The following SGCD variants were observed in gnomAD, a reference collection of about 807,000 sequenced individuals.
SGCD encodes sarcoglycan delta.
SGCD carries 18 observed loss-of-function variants against 36.6 expected under a neutral mutation model. That is an observed-to-expected ratio of 0.49 (90% CI 0.34 to 0.73). The LOEUF (loss-of-function observed/expected upper bound fraction) is 0.73, where lower values mean the gene tolerates loss of function less well. Among genes scored for constraint, SGCD ranks in the 30% least tolerant of loss-of-function variants. The probability of loss-of-function intolerance (pLI) is 0.01; values close to 1 mark genes in which losing one functional copy is unlikely to be tolerated. For missense variants in SGCD, 387 were observed against 346.7 expected (o/e 1.12, Z -0.92); for synonymous variants, 133 against 130.6 (o/e 1.02, Z -0.12).
chr5:156,292,069 G>A (rs1286245806), intron 3 of SGCD, among the ~76,000 whole-genome samples: 1 of 152,024 alleles, frequency 6.6e-6, no homozygotes, highest in Admixed American at 6.6e-5. Flanking sequence ...TTTAGATGCT[G>A]TGTATAAGTG....
chr5:156,174,419 A>C (rs1763416660), intron 3 of SGCD, among the ~76,000 whole-genome samples: 1 of 152,126 alleles, frequency 6.6e-6, no homozygotes, highest in Admixed American at 6.6e-5. Context: ...AGCATGGTGA[A>C]CTGTGGGGAA....
chr5:155,891,128 C>T (rs145165030), intron 1 of SGCD, among the ~76,000 whole-genome samples: 241 of 152,254 alleles, frequency 1.6e-3, no homozygotes, highest in Non-Finnish European at 2.5e-3. Context: ...GATGAATGAG[C>T]AAAAGTCTTC....
At chr5:156,351,743 G>T (rs1411175820) in intron 3 of SGCD, among the ~76,000 whole-genome samples, 1 of 151,874 alleles carries the variant, frequency 6.6e-6, no homozygotes, top group Non-Finnish European at 1.5e-5. Context: ...CCACTATTTG[G>T]ATACCAATTT....
At chr5:156,035,256 C>A (rs79331593) in intron 1 of SGCD, among the ~76,000 whole-genome samples, 1 of 152,272 alleles carries the variant, frequency 6.6e-6, no homozygotes, top group East Asian at 1.9e-4. Flanking sequence ...ACTCGTGCAA[C>A]TTTAACCTGC....
intron 3 of SGCD, among the ~76,000 whole-genome samples, chr5:156,215,975 A>G (rs1581173358): frequency 6.6e-6 from 1 of 152,228 alleles, no homozygotes; most frequent in Non-Finnish European, 1.5e-5. Flanking sequence ...AACATGGTAT[A>G]TATACATAAT....
At chr5:156,234,187 G>A (rs879585430) in intron 3 of SGCD, among the ~76,000 whole-genome samples, 4 of 152,118 alleles carry the variant, frequency 2.6e-5, no homozygotes, top group Non-Finnish European at 5.9e-5. Flanking sequence ...CTTCTTTGGT[G>A]AGATGTTTAT....
chr5:156,279,785 T>C (rs1343616735), intron 3 of SGCD, among the ~76,000 whole-genome samples: 1 of 152,002 alleles, frequency 6.6e-6, no homozygotes, highest in African/African-American at 2.4e-5. Context: ...TCTACATGAC[T>C]CCCCTACACA....
rs1180601139 is a variant in SGCD at position 156,027,680 on chromosome 5, G to A, written c.-281-90198G>A. Reference sequence around the variant, plus strand: ...AAAAAAAGAATGAATGATCTAATGAGGGCTAAGACAGATGTTACATTATTT... The same window carrying A: ...AAAAAAAGAATGAATGATCTAATGAAGGCTAAGACAGATGTTACATTATTT... On this transcript the variant is annotated intron_variant, in intron 1 of 9. Transcript: ENST00000517913. Among the ~76,000 whole-genome samples the A allele has an allele frequency of 2.6e-5, 4 of 152,060 alleles. No individual in the cohort carries two copies. The East Asian group carries it at 7.7e-4, about 29-fold the overall frequency.
chr5:156,545,858 T>C (rs751627793), intron 4 of SGCD, among the ~76,000 whole-genome samples: 29 of 152,148 alleles, frequency 1.9e-4, no homozygotes, highest in Non-Finnish European at 3.1e-4. Context: ...CAAAGAATGT[T>C]GAGGACACAA....
At chr5:156,328,680 C>A (rs959332560) in intron 1 of SGCD, among the ~76,000 whole-genome samples, 1 of 151,932 alleles carries the variant, frequency 6.6e-6, no homozygotes, top group Admixed American at 6.6e-5. Flanking sequence ...GGAGGAGGGA[C>A]CTGGGACAGG....
intron 3 of SGCD, among the ~76,000 whole-genome samples, chr5:156,167,688 C>A (rs1763247160): frequency 6.6e-6 from 1 of 152,106 alleles, no homozygotes; most frequent in Non-Finnish European, 1.5e-5. Flanking sequence ...ACGCCTGCTC[C>A]CTCTTTGCCT....
chr5:156,322,652 T>C (rs967679782), upstream of SGCD, among the ~76,000 whole-genome samples: 1 of 152,174 alleles, frequency 6.6e-6, no homozygotes, highest in African/African-American at 2.4e-5. Flanking sequence ...GATAACTGCA[T>C]GAACACAGGC....
chr5:156,539,192 G>A (rs972300796), intron 4 of SGCD, among the ~76,000 whole-genome samples: 4 of 151,952 alleles, frequency 2.6e-5, no homozygotes, highest in Non-Finnish European at 5.9e-5. Context: ...GCACACTTGG[G>A]TCTCCCTCTT....
chr5:155,874,074 C>T (rs1289079610), intron 1 of SGCD, among the ~76,000 whole-genome samples: 1 of 152,054 alleles, frequency 6.6e-6, no homozygotes, highest in East Asian at 1.9e-4. Flanking sequence ...ATTTTTATGA[C>T]CATACATGTT....
At position 156,766,369 on chromosome 5, in the gene SGCD, G is replaced by C. The variant is rs1757587890; in HGVS notation, c.*6979G>C. 6.6e-6 allele frequency: 1 copy of C among 151,762 alleles called. No homozygotes were observed. Among genetic ancestry groups the C allele is most frequent in the African/African-American group, 2.4e-5 (1 of 41,252 alleles). 9.4% of individuals were successfully genotyped at this position (151,762 alleles called of 1,614,324 possible). ...ATTAGGCATACAATGTCAGAGCTGA[G>C]CTGACCACTCTGGTCCTGTAATGTC... is the stretch of plus-strand genomic sequence containing the variant. On this transcript the variant is annotated 3_prime_UTR_variant, in exon 9 of 9. Transcript: ENST00000337851.
chr5:156,393,618 T>C (rs1269586410), intron 3 of SGCD: 2 of 414,288 alleles, frequency 4.8e-6, no homozygotes, highest in African/African-American at 2.0e-5. Flanking sequence ...TGTTAATAGG[T>C]TGAAATTGGC....
the SGCD span, among the ~76,000 whole-genome samples, chr5:155,773,589 G>T: frequency 6.6e-6 from 1 of 152,142 alleles, no homozygotes; most frequent in African/African-American, 2.4e-5. Flanking sequence ...GCCCAGGAGA[G>T]ACTACCAGGT....
the SGCD span, among the ~76,000 whole-genome samples, chr5:155,768,027 A>T: frequency 4.6e-5 from 7 of 152,100 alleles, no homozygotes; most frequent in African/African-American, 1.7e-4. Flanking sequence ...AAGAACATGG[A>T]CCCCTGTACT....
intron 3 of SGCD, among the ~76,000 whole-genome samples, chr5:156,494,957 C>T (rs1756117737): frequency 6.6e-6 from 1 of 152,118 alleles, no homozygotes; most frequent in Non-Finnish European, 1.5e-5. Context: ...CTCTCTCTTC[C>T]TACTCTGCCT....
Sources: allele counts gnomAD v4.1 joint callset (sites outside exome capture counted in the v4.1 genomes callset), GRCh38; gene constraint gnomAD v4.1.1; transcripts MANE v1.5; gene names NCBI Gene and HGNC (gene_info 2026-07-23, HGNC 2026-07-21).